The following LRGUK variants were observed in gnomAD, a reference collection of about 807,000 sequenced individuals.
LRGUK encodes leucine-rich repeat and guanylate kinase domain-containing protein.
Under a neutral mutation model 76.0 loss-of-function variants are expected in LRGUK, and 65 were observed. That is an observed-to-expected ratio of 0.85 (90% CI 0.70 to 1.05). The LOEUF (loss-of-function observed/expected upper bound fraction) is 1.05. LRGUK is among the 50% of genes least tolerant of loss of function. The pLI is 0.00. For synonymous variants in LRGUK, 268 were observed against 265.6 expected (o/e 1.01, Z -0.09); for missense variants, 758 against 732.8 (o/e 1.03, Z -0.40).
At chr7:134,245,010 C>T (rs1274768672) in intron 16 of LRGUK, among the ~76,000 whole-genome samples, 1 of 128,436 alleles carries the variant, frequency 7.8e-6, no homozygotes, top group Non-Finnish European at 1.6e-5. Context: ...AATGAGAACA[C>T]TTGGACACAG....
At chr7:134,142,620 T>C (rs1237671488) in intron 3 of LRGUK, among the ~76,000 whole-genome samples, 1 of 152,228 alleles carries the variant, frequency 6.6e-6, no homozygotes, top group Non-Finnish European at 1.5e-5. Flanking sequence ...AGTTTCCTAA[T>C]TGTGGCATTT....
chr7:134,264,747 C>G (rs1802825774), downstream of LRGUK, among the ~76,000 whole-genome samples: 1 of 152,086 alleles, frequency 6.6e-6, no homozygotes, highest in Non-Finnish European at 1.5e-5. Context: ...CTAGTATGTC[C>G]CAGTAGGCTA....
chr7:134,221,810 G>A (rs112356429), exon 16 of LRGUK: 9 of 1,569,906 alleles, frequency 5.7e-6, no homozygotes, highest in African/African-American at 4.2e-5. Flanking sequence ...AACCTGAAGC[G>A]CATCCTACAA....
At chr7:134,247,512 A>G in intron 16 of LRGUK, 44 bp from the exon 17 acceptor site, 1 of 1,384,132 alleles carries the variant, frequency 7.2e-7, no homozygotes, top group Non-Finnish European at 1.0e-6. Flanking sequence ...ATCATCTGAC[A>G]TTTTTAACAT....
intron 10 of LRGUK, among the ~76,000 whole-genome samples, chr7:134,180,413 T>TATAG (rs1194357878): frequency 2.6e-5 from 4 of 152,296 alleles, no homozygotes; most frequent in African/African-American, 9.6e-5. Flanking sequence ...TGTGTCTATC[T>TATAG]ATAGATAGAT....
At chr7:134,260,601 T>C (rs111752864) in intron 19 of LRGUK, among the ~76,000 whole-genome samples, 4 of 152,298 alleles carry the variant, frequency 2.6e-5, no homozygotes, top group African/African-American at 9.6e-5. Context: ...CCTGGGCTTG[T>C]GTGTGTGCTT....
rs898993853 is a variant in LRGUK, at chr7:134,257,948, G to A, written c.2199-309G>A. Among the ~76,000 whole-genome samples the A allele has an allele frequency of 3.9e-5, 6 of 152,126 alleles. No individual in the cohort carries two copies. The East Asian group carries it at 9.6e-4, about 24-fold the overall frequency. On this transcript the variant is annotated intron_variant, in intron 18 of 19. Transcript: ENST00000285928. The stretch of plus-strand genomic sequence containing the variant: ...TAAAATCCTGGAGATTAGGATCTGC[G>A]CCTTATCTTGTTTTATACTCCAACA...
At chr7:134,229,570 T>C (rs1046801237) in intron 16 of LRGUK, among the ~76,000 whole-genome samples, 6 of 152,214 alleles carry the variant, frequency 3.9e-5, no homozygotes, top group African/African-American at 1.4e-4. Flanking sequence ...GATGGCTCCA[T>C]ATTCCATATT....
chr7:134,206,239 A>T (rs418484), intron 15 of LRGUK, among the ~76,000 whole-genome samples: 85,088 of 152,090 alleles, frequency 0.56, 24,622 homozygotes, highest in African/African-American at 0.63. Flanking sequence ...CATATCAGCC[A>T]GGTGCGGTGG....
intron 1 of LRGUK, among the ~76,000 whole-genome samples, chr7:134,136,611 T>C (rs986416533): frequency 6.6e-6 from 1 of 152,186 alleles, no homozygotes; most frequent in African/African-American, 2.4e-5. Flanking sequence ...GTTAATTCTT[T>C]TGCCTGTAAA....
At chr7:134,153,863 C>A (rs926901181) in intron 5 of LRGUK, among the ~76,000 whole-genome samples, 1 of 152,174 alleles carries the variant, frequency 6.6e-6, no homozygotes, top group African/African-American at 2.4e-5. Flanking sequence ...ACTAAGAGAA[C>A]TGTGGTGGAT....
intron 4 of LRGUK, among the ~76,000 whole-genome samples, chr7:134,143,680 A>C (rs1191674193): frequency 1.3e-5 from 2 of 152,214 alleles, no homozygotes; most frequent in Non-Finnish European, 2.9e-5. Flanking sequence ...TTAAGAAAAT[A>C]ATGCTTTCAG....
chr7:134,174,349 G>A (rs144851601), intron 7 of LRGUK, among the ~76,000 whole-genome samples: 67 of 152,228 alleles, frequency 4.4e-4, no homozygotes, highest in Admixed American at 9.8e-4. Flanking sequence ...GAAAGAAAAC[G>A]TGGTTGTGTG....
chr7:134,163,417 G>T, exon 7 of LRGUK: 1 of 1,612,868 alleles, frequency 6.2e-7, no homozygotes, highest in South Asian at 1.1e-5. Context: ...AGATTGAGAT[G>T]ATCACAGGTT....
chr7:134,127,783 TC>T (rs1032307682), intron 1 of LRGUK, 119 bp downstream of exon 1: 2 of 1,191,394 alleles, frequency 1.7e-6, no homozygotes, highest in African/African-American at 3.1e-5. Flanking sequence ...TCAGGCTCTC[TC>T]GCCTCCAGGA....
At chr7:134,222,610 G>GT (rs1300015042) in intron 16 of LRGUK, among the ~76,000 whole-genome samples, 7 of 150,626 alleles carry the variant, frequency 4.6e-5, no homozygotes, top group African/African-American at 1.7e-4. Flanking sequence ...TTTTGTTTTT[G>GT]TTTTGTTTTT....
chr7:134,194,472 G>A (rs1433769468), intron 12 of LRGUK, among the ~76,000 whole-genome samples: 1 of 152,032 alleles, frequency 6.6e-6, no homozygotes, highest in African/African-American at 2.4e-5. Flanking sequence ...ATTTAGGGTT[G>A]GGCTCACACC....
chr7:134,220,579 CT>C lies in LRGUK; in HGVS notation c.1844-1187del, dbSNP rs202144898. 5.4e-3 allele frequency among the ~76,000 whole-genome samples: 776 copies of C among 144,974 alleles called. 3 individuals are homozygous for C. Among genetic ancestry groups the C allele is most frequent in the Middle Eastern group, 0.011 (3 of 276 alleles). The stretch of plus-strand genomic sequence containing the variant: ...ATCAAACAGTCCAGGTCTTCTTCTT[CT>C]TTTTTTTTTTTTCTTTTGTCGTTGT... On this transcript the variant is annotated intron_variant, in intron 15 of 19. Coordinates refer to the LRGUK transcript ENST00000285928.
At chr7:134,210,441 C>A (rs2117125316), downstream of LRGUK, among the ~76,000 whole-genome samples, 1 of 152,252 alleles carries the variant, frequency 6.6e-6, no homozygotes, top group East Asian at 1.9e-4. Context: ...AATGACCTGG[C>A]TTGGAATGTA....
Sources: allele counts gnomAD v4.1 joint callset (sites outside exome capture counted in the v4.1 genomes callset), GRCh38; gene constraint gnomAD v4.1.1; transcripts MANE v1.5; gene names NCBI Gene and HGNC (gene_info 2026-07-23, HGNC 2026-07-21).